The following CHRNA10 variants were observed in gnomAD, a reference collection of about 807,000 sequenced individuals.
CHRNA10 encodes the protein neuronal acetylcholine receptor subunit alpha-10.
A neutral mutation model predicts 36.0 loss-of-function variants in CHRNA10; 31 were observed. The ratio of observed to expected loss-of-function variants is 0.86; its 90% CI spans 0.65 to 1.16. The LOEUF (loss-of-function observed/expected upper bound fraction) is 1.16, where lower values mean the gene tolerates loss of function less well. CHRNA10 is among the 50% of genes most tolerant of loss of function. The pLI, the probability that CHRNA10 is intolerant of heterozygous loss-of-function variation, is 0.00. For synonymous variants in CHRNA10, 302 were observed against 287.0 expected (o/e 1.05, Z -0.53); for missense variants, 648 against 640.9 (o/e 1.01, Z -0.12).
In CHRNA10 at chr11:3,669,265, T is replaced by C. The variant is rs990814116; in HGVS notation, c.293A>G (p.Tyr98Cys). The change falls in exon 3 of 5, where the codon TAT (tyrosine) becomes TGT (cysteine). Residue 98 changes from tyrosine to cysteine, a missense_variant. Tyr to Cys is a radical substitution (Grantham distance 194). Coordinates refer to ENST00000250699, the MANE Select transcript of CHRNA10 (RefSeq NM_020402.4). ...GATGCGGATGGCATCCAGGCCACCA[T>C]AGGCATTGGGGTCCCATCGTAGGTA... ...DAYLRWDPNA[Y>C]GGLDAIRIPS... 6.2e-7 allele frequency: 1 copy of C among 1,614,056 alleles called. No homozygotes were observed. Among genetic ancestry groups the C allele is most frequent in the Non-Finnish European group, 8.5e-7 (1 of 1,179,978 alleles).
intron 4 of CHRNA10, among the ~76,000 whole-genome samples, 180 bp from the exon 5 acceptor site, chr11:3,666,744 C>T (rs2077665495): frequency 6.6e-6 from 1 of 152,126 alleles, no homozygotes; most frequent in Non-Finnish European, 1.5e-5. Context: ...CATTCCTACA[C>T]GTGGGTCATC....
intron 2 of CHRNA10, 89 bp downstream of exon 2, chr11:3,669,707 C>T: frequency 2.6e-6 from 4 of 1,515,044 alleles, no homozygotes; most frequent in Non-Finnish European, 3.7e-6. Flanking sequence ...AAAAGAAATT[C>T]CATGGAGAAT....
rs769474650 is a variant in CHRNA10, at chr11:3,666,298, A to ATCGTGGC, written c.1155_1161dup (p.Cys388AlafsTer32). Reference sequence around the variant, plus strand: ...AGTAGGGCTTCCTGGCGGCACAGACATCGTGGCTCGTGGCAAGGGCCCGCT... The same window carrying ATCGTGGC: ...AGTAGGGCTTCCTGGCGGCACAGACATCGTGGCTCGTGGCTCGTGGCAAGGGCCCGCT... On this transcript the variant is annotated frameshift_variant, in exon 5 of 5. Transcript: ENST00000250699. LOFTEE classifies it high-confidence loss of function. The ATCGTGGC allele has an allele frequency of 1.9e-6, 3 of 1,613,600 alleles. No individual in the cohort carries two copies. Among genetic ancestry groups the ATCGTGGC allele is most frequent in the Non-Finnish European group, 2.5e-6 (3 of 1,179,818 alleles).
chr11:3,667,162 G>C (rs2077668543), intron 4 of CHRNA10, 70 bp downstream of exon 4: 6 of 1,460,814 alleles, frequency 4.1e-6, no homozygotes, highest in Non-Finnish European at 5.4e-6. Context: ...GCAGACCCAG[G>C]CCCTGTCGCG....
chr11:3,669,468 T>C (rs1260432230), intron 2 of CHRNA10, 118 bp from the exon 3 acceptor site: 3 of 1,299,858 alleles, frequency 2.3e-6, no homozygotes, highest in East Asian at 4.7e-5. Flanking sequence ...GTCCATACCG[T>C]CCAGTTCCCA....
rs1297366324 is a variant in CHRNA10 at position 3,666,390 on chromosome 11, C to A, written c.1070G>T (p.Cys357Phe). The change falls in exon 5 of 5, where the codon TGT (cysteine) becomes TTT (phenylalanine). Residue 357 changes from cysteine (C) to phenylalanine (F), a missense_variant. Physicochemically the swap from Cys to Phe is radical, Grantham distance 205. Coordinates refer to ENST00000250699, the MANE Select transcript of CHRNA10 (RefSeq NM_020402.4). Reference protein sequence around the residue: ...GLCVRERGEPCGQSRPPELSP... With the variant: ...GLCVRERGEPFGQSRPPELSP... ...TAACTCAGGTGGCCTGGACTGCCCA[C>A]AGGGCTCCCCTCTTTCCCGCACGCA... The A allele has an allele frequency of 1.2e-6, 2 of 1,613,682 alleles. No homozygotes were observed. Among genetic ancestry groups the A allele is most frequent in the Non-Finnish European group, 1.7e-6 (2 of 1,180,004 alleles).
intron 1 of CHRNA10, chr11:3,670,968 G>A (rs1219711429): frequency 4.0e-6 from 2 of 505,382 alleles, no homozygotes; most frequent in African/African-American, 1.9e-5. Context: ...GTCATCTGCA[G>A]GAGAAAGACC....
In CHRNA10 at chr11:3,667,663, C is replaced by G. The variant is rs889342293; in HGVS notation, c.464G>C (p.Arg155Pro). The G allele has an allele frequency of 2.6e-6, 4 of 1,562,194 alleles. No homozygotes were observed. The highest frequency in any genetic ancestry group is 3.5e-6 in the Non-Finnish European group (4 of 1,159,222). The change falls in exon 4 of 5, where the codon CGC becomes CCC. Residue 155 changes from arginine (R) to proline (P), a missense_variant. Coordinates refer to ENST00000250699, the MANE Select transcript of CHRNA10 (RefSeq NM_020402.4). ...DAPAITRSSC[R>P]VDVAAFPFDA... is the part of the protein sequence containing the mutation. ...GAACGGGAAGGCTGCTACATCCACG[C>G]GGCACGAGCTGCGCGTGATGGCCGG... is the stretch of plus-strand genomic sequence containing the variant.
In CHRNA10 at chr11:3,667,265, T is replaced by A. The variant is rs369141816; in HGVS notation, c.862A>T (p.Ser288Cys). The A allele has an allele frequency of 1.2e-5, 19 of 1,594,878 alleles. No individual in the cohort carries two copies. The highest frequency in any genetic ancestry group is 1.7e-5 in the Admixed American group (1 of 59,416). Reference protein sequence around the residue: ...LTVFQLLLAESMPPAESVPLI... With the variant: ...LTVFQLLLAECMPPAESVPLI... ...GGCACGCTCTCGGCCGGTGGCATGC[T>A]CTCGGCCAGCAGCAACTGGAAGACG... Residue 288 changes from serine to cysteine, a missense_variant, in exon 4 of 5, where the codon AGC becomes TGC. By Grantham distance (112) the Ser-to-Cys change is moderately radical. Transcript: ENST00000250699.
rs1250095431 is a variant in CHRNA10 at position 3,666,324 on chromosome 11, G to C, written c.1136C>G (p.Pro379Arg). The part of the protein sequence containing the change: ...PQSPEGGAGP[P>R]AGPCHEPRCL... ...TCGTGGCTCGTGGCAAGGGCCCGCT[G>C]GGGGGCCAGCCCCTCCTTCAGGCGA... The change falls in exon 5 of 5, where the codon CCA becomes CGA. Residue 379 changes from proline to arginine, a missense_variant. Transcript: ENST00000250699. 1 of 1,613,002 alleles carries C rather than the reference G, an allele frequency of 6.2e-7. No homozygotes were observed. The highest frequency in any genetic ancestry group is 8.5e-7 in the Non-Finnish European group (1 of 1,179,716).
At chr11:3,670,949 G>A in intron 1 of CHRNA10, 1 of 463,020 alleles carries the variant, frequency 2.2e-6, no homozygotes, top group Non-Finnish European at 4.0e-6. Context: ...AAACCTTTCA[G>A]TGCTCCCCGT....
chr11:3,671,109 TCCACACTCC>T, intron 1 of CHRNA10, 134 bp downstream of exon 1: 1 of 874,470 alleles, frequency 1.1e-6, no homozygotes, highest in Non-Finnish European at 1.9e-6. Context: ...ACCCCTCTCC[TCCACACTCC>T]CCAAATAGAG....
rs2077668732 is a variant in CHRNA10 at position 3,667,184 on chromosome 11, G to A, written c.895+48C>T. The A allele has an allele frequency of 3.3e-6, 5 of 1,500,188 alleles. No homozygotes were observed. In the East Asian group the frequency reaches 7.4e-5, roughly 22 times the overall value. 92.9% of individuals were successfully genotyped at this position (1,500,188 alleles called of 1,614,324 possible). ...CAGGCCCTGTCGCGGCCCCGCCCTG[G>A]GGGGACCCCAGCGCATCGTCAGGTC... On this transcript the variant is annotated intron_variant, in intron 4 of 4. Transcript: ENST00000250699.
At position 3,667,385 on chromosome 11, in the gene CHRNA10, C is replaced by T. The variant is rs2231542; in HGVS notation, c.742G>A (p.Val248Met). The T allele has an allele frequency of 7.5e-6, 12 of 1,601,602 alleles. No individual in the cohort carries two copies. The highest frequency in any genetic ancestry group is 1.7e-4 in the Middle Eastern group (1 of 6,006). Residue 248 changes from valine to methionine, a missense_variant, in exon 4 of 5, where the codon GTG (valine) becomes ATG (methionine). Val to Met is a conservative substitution (Grantham distance 21). Transcript: ENST00000250699. The part of the protein sequence containing the change: ...AYVCNLLLPC[V>M]LISLLAPLAF... Reference sequence around the variant, plus strand: ...AGCGGCGCAAGCAGCGAGATGAGCACGCAGGGCAGCAGCAGGTTGCACACG... The same window carrying T: ...AGCGGCGCAAGCAGCGAGATGAGCATGCAGGGCAGCAGCAGGTTGCACACG...
intron 2 of CHRNA10, among the ~76,000 whole-genome samples, 180 bp from the exon 3 acceptor site, chr11:3,669,530 CCT>C (rs142924694): frequency 0.2 from 31,051 of 151,854 alleles, 3,503 homozygotes; most frequent in East Asian, 0.35. Flanking sequence ...CTTTTCTGCC[CCT>C]GTTTCCTCAG....
intron 4 of CHRNA10, among the ~76,000 whole-genome samples, 161 bp downstream of exon 4, chr11:3,667,071 G>GCTAA (rs897046025): frequency 6.6e-6 from 1 of 152,212 alleles, no homozygotes; most frequent in Non-Finnish European, 1.5e-5. Context: ...CCTGGAAGGA[G>GCTAA]CTAATCCTTT....
At position 3,667,590 on chromosome 11, in the gene CHRNA10, C is replaced by A. The variant is rs761731304; in HGVS notation, c.537G>T (p.Gly179=). ...GLTFGSWTHG[G]HQLDVRPRGA... ...CGCGCGGCCGCACATCCAGTTGGTG[C>A]CCGCCGTGAGTCCAGGAGCCGAACG... Residue 179 remains glycine, a synonymous_variant, in exon 4 of 5, where the codon GGG becomes GGT. Transcript: ENST00000250699. 6.4e-7 allele frequency: 1 copy of A among 1,556,128 alleles called. No individual in the cohort carries two copies. The highest frequency in any genetic ancestry group is 1.2e-5 in the South Asian group (1 of 86,408).
chr11:3,667,070 A>G (rs745474977), intron 4 of CHRNA10, among the ~76,000 whole-genome samples, 162 bp downstream of exon 4: 10 of 152,156 alleles, frequency 6.6e-5, no homozygotes, highest in African/African-American at 9.7e-5. Context: ...CCCTGGAAGG[A>G]GCTAATCCTT....
Position 3,669,912 on chromosome 11 carries a change from G to A in CHRNA10, c.91C>T (p.Leu31Phe). The A allele has an allele frequency of 6.2e-7, 1 of 1,614,186 alleles. No homozygotes were observed. The highest frequency in any genetic ancestry group is 8.5e-7 in the Non-Finnish European group (1 of 1,180,046). Residue 31 changes from leucine to phenylalanine, a missense_variant, in exon 2 of 5, where the codon CTC (leucine) becomes TTC (phenylalanine). Transcript: ENST00000250699. ...ECLGAEGRLALKLFRDLFANY... is the reference protein window; with the variant it reads ...ECLGAEGRLAFKLFRDLFANY... ...GCAAAGAGGTCACGGAACAGCTTGAGAGCCAGCCGGCCCTCAGCTCCCAGG... is the reference window on the plus strand; with the variant it reads ...GCAAAGAGGTCACGGAACAGCTTGAAAGCCAGCCGGCCCTCAGCTCCCAGG...
Sources: gnomAD v4.1 joint callset for allele counts (sites outside exome capture counted in the v4.1 genomes callset) on GRCh38, gnomAD v4.1.1 for gene constraint, MANE v1.5 for transcripts, NCBI Gene and HGNC (gene_info 2026-07-23, HGNC 2026-07-21) for gene names.